Variants in DKC1 observed in about 807,000 individuals in gnomAD.
The protein encoded by DKC1 is H/ACA ribonucleoprotein complex subunit DKC1.
A neutral mutation model predicts 46.7 loss-of-function variants in DKC1; 4 were observed. That is an observed-to-expected ratio of 0.09 (90% CI 0.04 to 0.20). The LOEUF (loss-of-function observed/expected upper bound fraction) is 0.20, where lower values mean the gene tolerates loss of function less well. Ranked by LOEUF, DKC1 falls within the 10% of genes least tolerant of loss-of-function variation. DKC1 has a pLI of 1.00. For missense variants in DKC1, 171 were observed against 404.2 expected (o/e 0.42, Z 4.95); for synonymous variants, 141 against 142.4 (o/e 0.99, Z 0.07).
rs2071713791 is a variant in DKC1 at position 154,763,985 on chromosome X, C to G, written c.17-914C>G. On this transcript the variant is annotated intron_variant, in intron 1 of 14. Transcript: ENST00000369550. ...ACCAGCCTGGCCAACATGGTGAAAC[C>G]CCGTCTCTACTAAAAATACAAAAAA... 2.7e-5 allele frequency among the ~76,000 whole-genome samples: 3 copies of G among 110,128 alleles called. No homozygotes were observed. In the South Asian group the frequency reaches 1.2e-3, roughly 43 times the overall value.
Position 154,777,599 on chromosome X carries a change from G to A in DKC1, c.*732G>A, listed in dbSNP as rs2071915987. 1 of 112,476 alleles carries A rather than the reference G, an allele frequency of 8.9e-6. No homozygotes were observed. Among genetic ancestry groups the A allele is most frequent in the Admixed American group, 9.4e-5 (1 of 10,648 alleles). 9.3% of individuals were successfully genotyped at this position (112,476 alleles called of 1,213,427 possible). On this transcript the variant is annotated 3_prime_UTR_variant, in exon 15 of 15. Coordinates refer to ENST00000369550, the MANE Select transcript of DKC1 (RefSeq NM_001363.5). ...TAAGTTTTTTATGTATTCCTGTTGG[G>A]TTTTCTTGTTGATCTCATGCTAGCA...
chrX:154,768,992 T>C (rs1233989886), intron 8 of DKC1, among the ~76,000 whole-genome samples, 175 bp from the exon 9 acceptor site: 3 of 31,733 alleles, frequency 9.5e-5, no homozygotes, highest in African/African-American at 2.4e-4. Flanking sequence ...AGACTCCGTC[T>C]CAAAAAAAAA....
At chrX:154,776,477 C>G (rs782436853) in intron 14 of DKC1, among the ~76,000 whole-genome samples, 153 bp downstream of exon 14, 2 of 111,648 alleles carry the variant, frequency 1.8e-5, no homozygotes, top group Non-Finnish European at 3.8e-5. Flanking sequence ...CCCCATGTTC[C>G]TGGAGTGCTT....
Position 154,776,940 on chromosome X carries a change from G to T in DKC1, c.*73G>T. ...ACATGTTATAGATCCTTTTGTTGCT[G>T]AGAGAGTGGAACATAGGTCCTAGAC... On this transcript the variant is annotated 3_prime_UTR_variant, in exon 15 of 15. Transcript: ENST00000369550. 2.2e-6 allele frequency: 2 copies of T among 918,014 alleles called. No homozygotes were observed. The highest frequency in any genetic ancestry group is 3.1e-6 in the Non-Finnish European group (2 of 651,252). The allele number at this position is 918,014 out of a possible 1,213,427, so 75.7% of individuals were successfully genotyped here.
intron 1 of DKC1, among the ~76,000 whole-genome samples, chrX:154,763,235 C>G (rs931844299): frequency 8.9e-6 from 1 of 112,231 alleles, no homozygotes; most frequent in Non-Finnish European, 1.9e-5. Flanking sequence ...GGGTCGCCGT[C>G]GAAAGACATC....
intron 11 of DKC1, among the ~76,000 whole-genome samples, chrX:154,774,208 CTG>C (rs1352098134): frequency 8.9e-6 from 1 of 111,904 alleles, no homozygotes; most frequent in Admixed American, 9.4e-5. Context: ...AGAGAGGTGT[CTG>C]TCACCTGGAG....
At position 154,766,271 on chromosome X, in the gene DKC1, G is replaced by T; in HGVS notation, c.319G>T (p.Ala107Ser). 8.3e-7 allele frequency: 1 copy of T among 1,209,775 alleles called. No individual in the cohort carries two copies. The highest frequency in any genetic ancestry group is 2.2e-5 in the Admixed American group (1 of 45,864). Residue 107 changes from alanine to serine, a missense_variant, in exon 5 of 15, where the codon GCC (alanine) becomes TCC (serine). By Grantham distance (99) the Ala-to-Ser change is moderately conservative (BLOSUM62 1). Coordinates refer to ENST00000369550, the MANE Select transcript of DKC1 (RefSeq NM_001363.5). ...PSNPSSHEVV[A>S]WIRRILRVEK... ...TAACCCCTCTTCCCATGAGGTGGTA[G>T]CCTGGATTCGACGGATACTTCGGGT...
chrX:154,769,015 A>AG (rs2071788430), intron 8 of DKC1, 152 bp from the exon 9 acceptor site: 1 of 470,701 alleles, frequency 2.1e-6, no homozygotes, highest in African/African-American at 2.5e-5. Context: ...AAAAAAAAAA[A>AG]AAAAGATGCC....
At chrX:154,769,371 CT>C in intron 9 of DKC1, 61 bp downstream of exon 9, 1 of 1,106,284 alleles carries the variant, frequency 9.0e-7, no homozygotes, top group Non-Finnish European at 1.2e-6. Flanking sequence ...GAGGCTTGCT[CT>C]TTTTATTGTT....
chrX:154,770,163 T>G (rs782041793), intron 9 of DKC1, among the ~76,000 whole-genome samples: 2 of 111,458 alleles, frequency 1.8e-5, no homozygotes, highest in Non-Finnish European at 3.8e-5. Flanking sequence ...CCAAGGCTAT[T>G]TTTATGTTTC....
At chrX:154,774,310 G>A (rs2071867166) in intron 11 of DKC1, among the ~76,000 whole-genome samples, 1 of 111,458 alleles carries the variant, frequency 9.0e-6, no homozygotes, top group Non-Finnish European at 1.9e-5. Context: ...GAAGTGAAGA[G>A]GGGAGGGGAG....
rs2071790813 is a variant in DKC1 at position 154,769,182 on chromosome X, A to G, written c.787A>G (p.Met263Val). Residue 263 changes from methionine (M) to valine (V), a missense_variant, in exon 9 of 15, where the codon ATG (methionine) becomes GTG (valine). Met to Val is a conservative substitution (Grantham distance 21). Transcript: ENST00000369550. The part of the protein sequence containing the change: ...VMSEKDHMVT[M>V]HDVLDAQWLY... The stretch of plus-strand genomic sequence containing the variant: ...TGCTTTTCAGGACCACATGGTGACA[A>G]TGCATGATGTGCTTGATGCTCAGTG... 3 of 1,210,896 alleles carry G rather than the reference A, an allele frequency of 2.5e-6. No homozygotes were observed. The highest frequency in any genetic ancestry group is 3.4e-6 in the Non-Finnish European group (3 of 895,128).
intron 9 of DKC1, 40 bp from the exon 10 acceptor site, chrX:154,770,719 G>T: frequency 4.1e-6 from 5 of 1,208,693 alleles, no homozygotes; most frequent in Non-Finnish European, 5.6e-6. Context: ...GGGGTGGAGG[G>T]CAGCAGCTGG....
In DKC1 at chrX:154,776,813, CAAGAAGAAGAAG is replaced by C; in HGVS notation, c.1503_1514del (p.Lys502_Lys505del). On this transcript the variant is annotated inframe_deletion, in exon 15 of 15. Transcript: ENST00000369550. Reference sequence around the variant, plus strand: ...TTTCTTTCTAGGACAGTGATACCACCAAGAAGAAGAAGAAGAAGAAGAAAGCAAAAGAGGTAG... The same window carrying C: ...TTTCTTTCTAGGACAGTGATACCACCAAGAAGAAGAAAGCAAAAGAGGTAG... 1 of 1,198,259 alleles carries C rather than the reference CAAGAAGAAGAAG, an allele frequency of 8.3e-7. No homozygotes were observed. Among genetic ancestry groups the C allele is most frequent in the Non-Finnish European group, 1.1e-6 (1 of 887,297 alleles).
chrX:154,776,089 G>T, intron 13 of DKC1, 98 bp from the exon 14 acceptor site: 1 of 1,050,546 alleles, frequency 9.5e-7, no homozygotes, highest in Non-Finnish European at 1.3e-6. Flanking sequence ...AGATTCAGTT[G>T]GGATCTTTCT....
At chrX:154,770,650 C>A in intron 9 of DKC1, 109 bp from the exon 10 acceptor site, 1 of 1,069,600 alleles carries the variant, frequency 9.3e-7, no homozygotes, top group Non-Finnish European at 1.3e-6. Flanking sequence ...AGTGTCATCC[C>A]TGTTTCCTGG....
intron 13 of DKC1, 135 bp downstream of exon 13, chrX:154,775,408 G>C: frequency 1.6e-6 from 1 of 629,002 alleles, no homozygotes; most frequent in African/African-American, 2.2e-5. Context: ...GCATACACAG[G>C]TAATGCTGCC....
chrX:154,775,557 A>G (rs917737499), intron 13 of DKC1, among the ~76,000 whole-genome samples: 1 of 112,158 alleles, frequency 8.9e-6, no homozygotes, highest in Non-Finnish European at 1.9e-5. Context: ...CAACACAGTG[A>G]TGGAATGGGT....
At chrX:154,776,121 C>T in intron 13 of DKC1, 66 bp from the exon 14 acceptor site, 1 of 1,183,223 alleles carries the variant, frequency 8.5e-7, no homozygotes, top group Non-Finnish European at 1.1e-6. Flanking sequence ...TACCTTTTGA[C>T]TCACTGAACC....
Sources: allele counts gnomAD v4.1 joint callset (sites outside exome capture counted in the v4.1 genomes callset), GRCh38; gene constraint gnomAD v4.1.1; transcripts MANE v1.5; gene names NCBI Gene and HGNC (gene_info 2026-07-23, HGNC 2026-07-21).